Variants in ITGAL observed in about 807,000 individuals in gnomAD.
ITGAL encodes integrin subunit alpha L.
A neutral mutation model predicts 138.4 loss-of-function variants in ITGAL; 68 were observed. The observed-to-expected ratio is 0.49, with a 90% CI of 0.40 to 0.60. The LOEUF (loss-of-function observed/expected upper bound fraction) is 0.60, where lower values mean the gene tolerates loss of function less well. Among genes scored for constraint, ITGAL ranks in the 20% least tolerant of loss-of-function variants. The pLI, the probability that ITGAL is intolerant of heterozygous loss-of-function variation, is 0.00. For synonymous variants in ITGAL, 561 were observed against 584.3 expected, an observed-to-expected ratio of 0.96 and a Z score of 0.57; for missense variants, 1,256 against 1,478.6, an observed-to-expected ratio of 0.85 and a Z score of 2.47.
intron 11 of ITGAL, among the ~76,000 whole-genome samples, chr16:30,491,263 T>C (rs1226023565): frequency 2.0e-5 from 3 of 151,668 alleles, no homozygotes; most frequent in Non-Finnish European, 4.4e-5. Context: ...TAGCCAGGCA[T>C]GGTGGCATGC....
At chr16:30,492,534 G>C (rs1400284574) in intron 11 of ITGAL, among the ~76,000 whole-genome samples, 1 of 151,308 alleles carries the variant, frequency 6.6e-6, no homozygotes, top group South Asian at 2.1e-4. Flanking sequence ...TTACAGGCGT[G>C]TGCCACCGCT....
chr16:30,477,675 G>A (rs756075810), intron 4 of ITGAL, among the ~76,000 whole-genome samples: 1 of 151,062 alleles, frequency 6.6e-6, no homozygotes, highest in Non-Finnish European at 1.5e-5. Context: ...GATCGCTTGA[G>A]CCTAGGAGTT....
chr16:30,519,627 G>A (rs961210475), intron 29 of ITGAL: 8 of 524,476 alleles, frequency 1.5e-5, no homozygotes, highest in East Asian at 6.7e-5. Flanking sequence ...GCTGAGCTGC[G>A]TGCGATTCCG....
At chr16:30,501,074 G>A (rs373861370) in intron 17 of ITGAL, among the ~76,000 whole-genome samples, 7 of 151,830 alleles carry the variant, frequency 4.6e-5, no homozygotes, top group African/African-American at 1.7e-4. Context: ...TAAAACCCTT[G>A]GCATCAAGTA....
In ITGAL at chr16:30,496,147, C is replaced by T. The variant is rs185420636; in HGVS notation, c.1554C>T (p.Leu518=). ...TGCAGGGGGACCCCGGCTACCCACT[C>T]GGGCGGTTTGGAGAAGCCATCACTG... is the stretch of plus-strand genomic sequence containing the variant. ...SELQGDPGYP[L]GRFGEAITAL... is the part of the protein sequence containing the mutation. Residue 518 remains leucine (L), a synonymous_variant, in exon 14 of 31, where the codon CTC becomes CTT. Coordinates refer to ENST00000356798, the MANE Select transcript of ITGAL (RefSeq NM_002209.3). 223 of 1,614,110 alleles carry T rather than the reference C, an allele frequency of 1.4e-4. No homozygotes were observed. Among genetic ancestry groups the T allele is most frequent in the African/African-American group, 5.1e-4 (38 of 75,054 alleles).
chr16:30,517,854 G>A lies in ITGAL; in HGVS notation c.3091G>A (p.Val1031Ile), dbSNP rs773669806. The change falls in exon 28 of 31, where the codon GTC becomes ATC. Residue 1031 changes from valine to isoleucine, a missense_variant. Val to Ile is a conservative substitution (Grantham distance 29). Around this residue, in one of 3 missense-constraint regions of ITGAL, gnomAD observed 867 missense variants for 972.5 expected, o/e 0.89. Coordinates refer to ENST00000356798, the MANE Select transcript of ITGAL (RefSeq NM_002209.3). ...TGTTGTCTTCAGGCAGGAGATCCTC[G>A]TCCAAGTGATCGGGACTCTGGAGCT... is the stretch of plus-strand genomic sequence containing the variant. ...CPVVFRQEIL[V>I]QVIGTLELVG... 19 of 1,614,028 alleles carry A rather than the reference G, an allele frequency of 1.2e-5. No individual in the cohort carries two copies. Among genetic ancestry groups the A allele is most frequent in the Admixed American group, 3.3e-5 (2 of 59,994 alleles).
intron 4 of ITGAL, among the ~76,000 whole-genome samples, chr16:30,476,851 C>G (rs2050478959): frequency 6.6e-6 from 1 of 152,116 alleles, no homozygotes; most frequent in African/African-American, 2.4e-5. Flanking sequence ...CCAGGCTGGT[C>G]TCGTACTCCT....
chr16:30,517,630 A>G lies in ITGAL; in HGVS notation c.2977-19A>G. On this transcript the variant is annotated intron_variant, in intron 26 of 30. Transcript: ENST00000356798. ...TGGGTTGGGGAGGCTCTAACTGAAG[A>G]CCTGCCGCTTGTTCCTAGGAGCCTC... 6.2e-7 allele frequency: 1 copy of G among 1,611,750 alleles called. No homozygotes were observed.
At chr16:30,509,621 C>T (rs1235382121) in intron 21 of ITGAL, among the ~76,000 whole-genome samples, 2 of 152,122 alleles carry the variant, frequency 1.3e-5, no homozygotes, top group African/African-American at 2.4e-5. Flanking sequence ...CACTCTGTTG[C>T]CCAGGCTAAA....
chr16:30,495,871 G>GTA (rs1376314848), intron 13 of ITGAL, among the ~76,000 whole-genome samples: 11 of 151,450 alleles, frequency 7.3e-5, no homozygotes, highest in South Asian at 2.1e-4. Flanking sequence ...TCAAAAAAAT[G>GTA]TATATATATA....
chr16:30,504,490 G>T (rs780069555), intron 18 of ITGAL, among the ~76,000 whole-genome samples: 4 of 151,968 alleles, frequency 2.6e-5, no homozygotes, highest in Non-Finnish European at 5.9e-5. Flanking sequence ...TGCACTTGAG[G>T]CCAGGAGTTT....
chr16:30,489,307 T>G lies in ITGAL; in HGVS notation c.1134T>G (p.Leu378=). The part of the protein sequence containing the change: ...VGAKDWAGGF[L]DLKADLQDDT... ...CCAAGGACTGGGCTGGGGGCTTTCT[T>G]GACCTGAAGGCAGACCTGCAGGATG... Residue 378 remains leucine, a synonymous_variant, in exon 11 of 31, where the codon CTT becomes CTG. Coordinates refer to ENST00000356798, the MANE Select transcript of ITGAL (RefSeq NM_002209.3). 6.2e-7 allele frequency: 1 copy of G among 1,613,716 alleles called. No homozygotes were observed. The highest frequency in any genetic ancestry group is 1.1e-5 in the South Asian group (1 of 91,072).
Position 30,479,441 on chromosome 16 carries a change from C to T in ITGAL, c.556C>T (p.Leu186Phe), listed in dbSNP as rs1166851481. The change falls in exon 6 of 31, where the codon CTC becomes TTC. Residue 186 changes from leucine to phenylalanine, a missense_variant. By Grantham distance (22) the Leu-to-Phe change is conservative. This residue lies in a region of ITGAL where 177 missense variants were observed against 288.8 expected (regional missense o/e 0.61). Coordinates refer to ENST00000356798, the MANE Select transcript of ITGAL (RefSeq NM_002209.3). ...LDFMKDVMKK[L>F]SNTSYQFAAV... ...CTTCATGAAGGATGTGATGAAGAAA[C>T]TCAGCAACACTTCGTACCAGGTAAA... 3 of 1,614,092 alleles carry T rather than the reference C, an allele frequency of 1.9e-6. No individual in the cohort carries two copies. In the East Asian group the frequency reaches 6.7e-5, roughly 36 times the overall value.
In ITGAL at chr16:30,511,060, G is replaced by T. The variant is rs762045861; in HGVS notation, c.2710G>T (p.Asp904Tyr). ...LHANVTCNNEDSDLLEDNSAT... is the reference protein window; with the variant it reads ...LHANVTCNNEYSDLLEDNSAT... Reference sequence around the variant, plus strand: ...CTTGCCCCAATGCAGTAACAATGAGGACTCAGACCTCCTGGAGGACAACTC... The same window carrying T: ...CTTGCCCCAATGCAGTAACAATGAGTACTCAGACCTCCTGGAGGACAACTC... Residue 904 changes from aspartate to tyrosine, a missense_variant, in exon 24 of 31, where the codon GAC becomes TAC. By Grantham distance (160) the Asp-to-Tyr change is radical (BLOSUM62 -3). Around this residue, in one of 3 missense-constraint regions of ITGAL, gnomAD observed 867 missense variants for 972.5 expected, o/e 0.89. Transcript: ENST00000356798. 3.1e-6 allele frequency: 5 copies of T among 1,613,716 alleles called. No individual in the cohort carries two copies. The African/African-American group carries it at 5.3e-5, about 17-fold the overall frequency.
intron 26 of ITGAL, 24 bp downstream of exon 26, chr16:30,517,110 G>A (rs1814534629): frequency 6.8e-6 from 10 of 1,475,652 alleles, no homozygotes; most frequent in African/African-American, 1.4e-5. Flanking sequence ...GTAGAGGGAG[G>A]GTCTACCCTC....
chr16:30,511,714 G>A (rs757592343), intron 24 of ITGAL, among the ~76,000 whole-genome samples: 1 of 152,218 alleles, frequency 6.6e-6, no homozygotes, highest in Admixed American at 6.5e-5. Context: ...AGTCAAGTGG[G>A]AGAGCCCAAA....
chr16:30,489,440 G>A (rs3087438), intron 11 of ITGAL, 54 bp downstream of exon 11: 590,178 of 1,581,750 alleles, frequency 0.37, 116,248 homozygotes, highest in East Asian at 0.64. Flanking sequence ...TCAGATGGTC[G>A]CTCAGCCTGG....
Position 30,521,775 on chromosome 16 carries a change from C to G in ITGAL, c.*110C>G, listed in dbSNP as rs2051257963. 1 of 1,055,556 alleles carries G rather than the reference C, an allele frequency of 9.5e-7. No homozygotes were observed. The highest frequency in any genetic ancestry group is 2.6e-5 in the Admixed American group (1 of 37,980). 65.4% of individuals were successfully genotyped at this position (1,055,556 alleles called of 1,614,324 possible). Reference sequence around the variant, plus strand: ...GCCCTCGGGCGAGTCACTGCCTCTCCCTGGCCCTCAGTTTCCCTATCTCGA... The same window carrying G: ...GCCCTCGGGCGAGTCACTGCCTCTCGCTGGCCCTCAGTTTCCCTATCTCGA... On this transcript the variant is annotated 3_prime_UTR_variant, in exon 31 of 31. Coordinates refer to ENST00000356798, the MANE Select transcript of ITGAL (RefSeq NM_002209.3).
intron 17 of ITGAL, among the ~76,000 whole-genome samples, chr16:30,499,733 A>ATATGTATATATATATATATATTTTTTT: frequency 1.1e-5 from 1 of 88,366 alleles, no homozygotes; most frequent in African/African-American, 6.0e-5. Flanking sequence ...ATATATATAT[A>ATATGTATATATATATATATATTTTTTT]TTTTTTTTTT....
Sources: gnomAD v4.1 joint callset for allele counts (sites outside exome capture counted in the v4.1 genomes callset) on GRCh38, gnomAD v4.1.1 for gene constraint, gnomAD v4.1.1 regional missense constraint, MANE v1.5 for transcripts, NCBI Gene and HGNC (gene_info 2026-07-23, HGNC 2026-07-21) for gene names.